The following XPO6 variants were observed in gnomAD, a reference collection of about 807,000 sequenced individuals.
XPO6 encodes the protein exportin 6.
XPO6 carries 3 observed loss-of-function variants against 130.0 expected under a neutral mutation model. That is an observed-to-expected ratio of 0.02 (90% CI 0.01 to 0.06). The LOEUF (loss-of-function observed/expected upper bound fraction) is 0.06, where lower values mean the gene tolerates loss of function less well. Among genes scored for constraint, XPO6 ranks in the 10% least tolerant of loss-of-function variants. The pLI is 1.00. For missense variants in XPO6, 970 were observed against 1,393.0 expected (o/e 0.70, Z 4.83); for synonymous variants, 524 against 548.9 (o/e 0.95, Z 0.63).
Position 28,206,615 on chromosome 16 carries a change from T to A in XPO6, c.3+4751A>T, listed in dbSNP as rs538144067. On this transcript the variant is annotated intron_variant, in intron 1 of 23. Coordinates refer to ENST00000304658, the MANE Select transcript of XPO6 (RefSeq NM_015171.4). ...AAAACTCTGGCTTAATCTACCTATT[T>A]CTTTATACTACATTAATTTTGCTGA... 2.6e-5 allele frequency among the ~76,000 whole-genome samples: 4 copies of A among 152,284 alleles called. No homozygotes were observed. In the East Asian group the frequency reaches 7.7e-4, roughly 29 times the overall value.
Position 28,101,733 on chromosome 16 carries a change from C to A in XPO6, c.3046-45G>T. On this transcript the variant is annotated intron_variant, in intron 22 of 23. Coordinates refer to ENST00000304658, the MANE Select transcript of XPO6 (RefSeq NM_015171.4). The surrounding 1 kb of genome is among the most constrained non-coding windows in gnomAD (Gnocchi z 5.4). ...GTGAGCAGCAGCCAGCCCCCAGGGG[C>A]CTGTCCCGGGTCCCATCCACTTTCT... The A allele has an allele frequency of 6.3e-7, 1 of 1,587,936 alleles. No individual in the cohort carries two copies. Among genetic ancestry groups the A allele is most frequent in the South Asian group, 1.1e-5 (1 of 87,334 alleles).
At position 28,101,361 on chromosome 16, in the gene XPO6, G is replaced by A. The variant is rs758462958; in HGVS notation, c.3276+97C>T. 19 of 1,092,700 alleles carry A rather than the reference G, an allele frequency of 1.7e-5. No individual in the cohort carries two copies. Among genetic ancestry groups the A allele is most frequent in the African/African-American group, 1.4e-4 (9 of 64,332 alleles). 67.7% of individuals were successfully genotyped at this position (1,092,700 alleles called of 1,614,324 possible). A position where few individuals can be genotyped will look rare whatever the true frequency, so the allele number is the denominator to read the frequency against. ...AAGCTGCAGGGTGGGCACAGACCAC[G>A]CCCAGAGGCCTCAATGTGCCCCCTC... On this transcript the variant is annotated intron_variant, in intron 23 of 23. Transcript: ENST00000304658. The surrounding 1 kb of genome is among the most constrained non-coding windows in gnomAD (Gnocchi z 5.4).
intron 1 of XPO6, among the ~76,000 whole-genome samples, chr16:28,204,692 T>C (rs1254321193): frequency 6.6e-6 from 1 of 151,958 alleles, no homozygotes; most frequent in Non-Finnish European, 1.5e-5. Context: ...GTTCCGGCTA[T>C]GAGATGAGGA....
intron 2 of XPO6, among the ~76,000 whole-genome samples, chr16:28,177,981 C>T (rs1425149557): frequency 2.0e-5 from 3 of 152,276 alleles, no homozygotes; most frequent in African/African-American, 7.2e-5. Context: ...TGGTTAGAAA[C>T]GGTTTTCCTC....
At position 28,132,191 on chromosome 16, in the gene XPO6, C is replaced by T. The variant is rs2042684487; in HGVS notation, c.1606+143G>A. ...TTCATCATAAGCCTTTAAAAACGTTCCCTGTTTCGAAGTGGGGAGAGATGC... is the reference window on the plus strand; with the variant it reads ...TTCATCATAAGCCTTTAAAAACGTTTCCTGTTTCGAAGTGGGGAGAGATGC... On this transcript the variant is annotated intron_variant, in intron 12 of 23. Coordinates refer to ENST00000304658, the MANE Select transcript of XPO6 (RefSeq NM_015171.4). The surrounding 1 kb of genome is among the most constrained non-coding windows in gnomAD (Gnocchi z 4.0). 2 of 668,804 alleles carry T rather than the reference C, an allele frequency of 3.0e-6. No individual in the cohort carries two copies. Among genetic ancestry groups the T allele is most frequent in the Non-Finnish European group, 5.3e-6 (2 of 379,562 alleles). The allele number at this position is 668,804 out of a possible 1,614,324, so 41.4% of individuals were successfully genotyped here.
In XPO6 at chr16:28,211,933, G is replaced by T. The variant is rs973798749; in HGVS notation, c.-565C>A. ...AGCCGCCCGCTAGTACCGCGCGGCC[G>T]CCCCCGACCAACAGCCCCAACGCGC... On this transcript the variant is annotated 5_prime_UTR_variant, in exon 1 of 24. Transcript: ENST00000304658. 2.0e-5 allele frequency: 3 copies of T among 152,632 alleles called. No individual in the cohort carries two copies. The highest frequency in any genetic ancestry group is 7.2e-5 in the African/African-American group (3 of 41,448). 9.5% of individuals were successfully genotyped at this position (152,632 alleles called of 1,614,324 possible). A position where few individuals can be genotyped will look rare whatever the true frequency, so the allele number is the denominator to read the frequency against.
Position 28,112,905 on chromosome 16 carries a change from T to G in XPO6, c.2150A>C (p.Lys717Thr). The change falls in exon 16 of 24, where the codon AAG (lysine) becomes ACG (threonine). Residue 717 changes from lysine to threonine, a missense_variant and splice_region_variant. Transcript: ENST00000304658. ...TDASALRLVD[K>T]AQVLVCRALS... ...CCCGGGGGAGCTCTGGGGCCTCACC[T>G]TATCGACAAGTCGCAGGGCAGAGGC... 6.2e-7 allele frequency: 1 copy of G among 1,613,284 alleles called. No homozygotes were observed. Among genetic ancestry groups the G allele is most frequent in the Non-Finnish European group, 8.5e-7 (1 of 1,179,466 alleles).
Position 28,156,149 on chromosome 16 carries a change from A to G in XPO6, c.1022T>C (p.Phe341Ser). 6.2e-7 allele frequency: 1 copy of G among 1,614,142 alleles called. No homozygotes were observed. The highest frequency in any genetic ancestry group is 1.1e-5 in the South Asian group (1 of 91,086). Reference sequence around the variant, plus strand: ...CTTGGTGATTTTCTGCAGGAGGTAGAAAGTCTGCTGGAACATACGCAGTAA... The same window carrying G: ...CTTGGTGATTTTCTGCAGGAGGTAGGAAGTCTGCTGGAACATACGCAGTAA... ...EYLLRMFQQT[F>S]YLLQKITKDN... is the part of the protein sequence containing the mutation. The change falls in exon 7 of 24, where the codon TTC becomes TCC. Residue 341 changes from phenylalanine (F) to serine (S), a missense_variant. By Grantham distance (155) the Phe-to-Ser change is radical. This residue lies in a region of XPO6 where 936 missense variants were observed against 1,306.8 expected (regional missense o/e 0.72). Coordinates refer to ENST00000304658, the MANE Select transcript of XPO6 (RefSeq NM_015171.4).
Position 28,106,622 on chromosome 16 carries a change from T to C in XPO6, c.2498-125A>G. 1 of 719,194 alleles carries C rather than the reference T, an allele frequency of 1.4e-6. No individual in the cohort carries two copies. The highest frequency in any genetic ancestry group is 1.7e-5 in the South Asian group (1 of 59,584). The allele number at this position is 719,194 out of a possible 1,614,324, so 44.6% of individuals were successfully genotyped here. A position where few individuals can be genotyped will look rare whatever the true frequency, so the allele number is the denominator to read the frequency against. ...TCTCTACAGCTTCCTGCTGGAAACA[T>C]TTCCCCAACACCATCAGGGCCAATG... On this transcript the variant is annotated intron_variant, in intron 18 of 23. Coordinates refer to ENST00000304658, the MANE Select transcript of XPO6 (RefSeq NM_015171.4). The surrounding 1 kb of genome is among the most constrained non-coding windows in gnomAD (Gnocchi z 4.2).
At chr16:28,205,985 C>G (rs1395484293) in intron 1 of XPO6, among the ~76,000 whole-genome samples, 1 of 141,882 alleles carries the variant, frequency 7.0e-6, no homozygotes, top group African/African-American at 2.6e-5. Flanking sequence ...CTGCAGTGAG[C>G]TGAGATCACG....
chr16:28,156,472 C>T lies in XPO6; in HGVS notation c.699G>A (p.Gln233=). Residue 233 remains glutamine, a synonymous_variant, in exon 7 of 24, where the codon CAG becomes CAA. Coordinates refer to ENST00000304658, the MANE Select transcript of XPO6 (RefSeq NM_015171.4). The part of the protein sequence containing the change: ...QSPSSAKLLN[Q]PIPILDVESE... ...TCTCCACATCAAGGATGGGAATTGG[C>T]TGATTCAACAGTTTGGCTGAACTGG... 6.2e-7 allele frequency: 1 copy of T among 1,605,820 alleles called. No individual in the cohort carries two copies. Among genetic ancestry groups the T allele is most frequent in the Non-Finnish European group, 8.5e-7 (1 of 1,173,990 alleles).
chr16:28,154,053 G>A lies in XPO6; in HGVS notation c.1098-1268C>T. On this transcript the variant is annotated intron_variant, in intron 7 of 23. Coordinates refer to ENST00000304658, the MANE Select transcript of XPO6 (RefSeq NM_015171.4). ...CATGGGGCCAAGTACTCGAAAAACAGTAAGGCACTAAAATCAACTGTTTTT... is the reference window on the plus strand; with the variant it reads ...CATGGGGCCAAGTACTCGAAAAACAATAAGGCACTAAAATCAACTGTTTTT... 6.1e-6 allele frequency: 6 copies of A among 985,240 alleles called. No homozygotes were observed. In the South Asian group the frequency reaches 2.3e-4, roughly 39 times the overall value. 61.0% of individuals were successfully genotyped at this position (985,240 alleles called of 1,614,324 possible). A position where few individuals can be genotyped will look rare whatever the true frequency, so the allele number is the denominator to read the frequency against.
At chr16:28,160,134 G>A (rs1016431187) in intron 6 of XPO6, among the ~76,000 whole-genome samples, 7 of 139,236 alleles carry the variant, frequency 5.0e-5, no homozygotes, top group Non-Finnish European at 7.6e-5. Context: ...GCAGTAAGTA[G>A]AGATTGCACC....
chr16:28,211,134 A>C (rs2044121796), intron 1 of XPO6, among the ~76,000 whole-genome samples: 1 of 152,162 alleles, frequency 6.6e-6, no homozygotes, highest in South Asian at 2.1e-4. Context: ...ACCAGATGCA[A>C]GGGTTGTGCC....
chr16:28,195,654 G>T (rs1028450353), intron 1 of XPO6, among the ~76,000 whole-genome samples: 1 of 152,214 alleles, frequency 6.6e-6, no homozygotes, highest in South Asian at 2.1e-4. Flanking sequence ...TCGGGAGGTT[G>T]AGGCAGAAGA....
chr16:28,105,611 G>A (rs965925439), intron 20 of XPO6: 1 of 159,604 alleles, frequency 6.3e-6, no homozygotes, highest in Non-Finnish European at 1.4e-5. Context: ...ATTATGCTGA[G>A]TGCCTGCCTA....
intron 1 of XPO6, among the ~76,000 whole-genome samples, chr16:28,199,847 T>C (rs2043928304): frequency 6.7e-6 from 1 of 150,296 alleles, no homozygotes; most frequent in African/African-American, 2.4e-5. Context: ...CCTGGCCTCC[T>C]CATGAATTTT....
chr16:28,102,109 A>T (rs970443955), intron 21 of XPO6, 164 bp from the exon 22 acceptor site: 8 of 587,188 alleles, frequency 1.4e-5, no homozygotes, highest in South Asian at 2.1e-5. Context: ...CTCAGAGTTC[A>T]TGTTTTCCCC....
In XPO6 at chr16:28,178,742, T is replaced by C. The variant is rs2043569577; in HGVS notation, c.95-1410A>G. The stretch of plus-strand genomic sequence containing the variant: ...CAGCCTGAGTGATAGAGCAAAATCC[T>C]ATCTCTTAAAACAAAACAAAACAAA... On this transcript the variant is annotated intron_variant, in intron 2 of 23. Coordinates refer to ENST00000304658, the MANE Select transcript of XPO6 (RefSeq NM_015171.4). 2.1e-5 allele frequency among the ~76,000 whole-genome samples: 3 copies of C among 144,830 alleles called. No homozygotes were observed. The South Asian group carries it at 6.7e-4, about 32-fold the overall frequency.
Sources: gnomAD v4.1 joint callset for allele counts (sites outside exome capture counted in the v4.1 genomes callset) on GRCh38, gnomAD v4.1.1 for gene constraint, gnomAD v4.1.1 regional missense constraint, Gnocchi (gnomAD v3.1) non-coding constraint, MANE v1.5 for transcripts, NCBI Gene and HGNC (gene_info 2026-07-23, HGNC 2026-07-21) for gene names.